The following SDK1 variants were observed in gnomAD, a reference collection of about 807,000 sequenced individuals.
SDK1 encodes protein sidekick-1.
Under a neutral mutation model 245.5 loss-of-function variants are expected in SDK1, and 157 were observed. That is an observed-to-expected ratio of 0.64 (90% CI 0.56 to 0.73). SDK1 has a LOEUF of 0.73. Among genes scored for constraint, SDK1 ranks in the 30% least tolerant of loss-of-function variants. The pLI, the probability that SDK1 is intolerant of heterozygous loss-of-function variation, is 0.00. For missense variants in SDK1, 3,583 were observed against 3,002.3 expected, an observed-to-expected ratio of 1.19 and a Z score of -4.52; for synonymous variants, 1,647 against 1,278.5, an observed-to-expected ratio of 1.29 and a Z score of -6.15.
chr7:3,597,550 T>C (rs2128637597), intron 1 of SDK1, among the ~76,000 whole-genome samples: 1 of 152,278 alleles, frequency 6.6e-6, no homozygotes, highest in East Asian at 1.9e-4. Context: ...AGAACTTCCT[T>C]ATTATGCTGG....
At chr7:3,474,053 T>TC (rs962445683) in intron 1 of SDK1, among the ~76,000 whole-genome samples, 6 of 147,094 alleles carry the variant, frequency 4.1e-5, no homozygotes, top group African/African-American at 1.5e-4. Flanking sequence ...CATGCGCCTG[T>TC]CCCTTTACCT....
At chr7:4,070,384 G>A (rs892561545) in intron 20 of SDK1, among the ~76,000 whole-genome samples, 4 of 152,246 alleles carry the variant, frequency 2.6e-5, no homozygotes, top group Non-Finnish European at 5.9e-5. Flanking sequence ...CCAAGGACTC[G>A]TGGCATGCTC....
At chr7:4,036,568 C>T (rs1788236228) in intron 17 of SDK1, among the ~76,000 whole-genome samples, 1 of 152,258 alleles carries the variant, frequency 6.6e-6, no homozygotes, top group Non-Finnish European at 1.5e-5. Context: ...TTTACACGTA[C>T]ACGTTAGTAT....
chr7:3,748,908 G>C (rs1212422992), intron 4 of SDK1, among the ~76,000 whole-genome samples: 1 of 152,028 alleles, frequency 6.6e-6, no homozygotes, highest in Non-Finnish European at 1.5e-5. Context: ...ATTTTTTGTT[G>C]TTGTTCTACA....
intron 4 of SDK1, among the ~76,000 whole-genome samples, chr7:3,769,009 T>G (rs1780333196): frequency 6.6e-6 from 1 of 152,222 alleles, no homozygotes; most frequent in Non-Finnish European, 1.5e-5. Context: ...AAAATGGTTG[T>G]AATTATGCCA....
At chr7:3,720,751 T>C (rs1785343749) in intron 4 of SDK1, among the ~76,000 whole-genome samples, 2 of 152,228 alleles carry the variant, frequency 1.3e-5, no homozygotes, top group Non-Finnish European at 2.9e-5. Context: ...TTCTTGGGCA[T>C]ATCTCAGAGA....
chr7:3,983,334 A>C (rs1184793996), intron 13 of SDK1, among the ~76,000 whole-genome samples: 1 of 152,150 alleles, frequency 6.6e-6, no homozygotes, highest in Non-Finnish European at 1.5e-5. Flanking sequence ...GCCAGGCTTC[A>C]CTGCTGTCTC....
chr7:3,548,789 C>T (rs1583153155), intron 1 of SDK1, among the ~76,000 whole-genome samples: 1 of 152,196 alleles, frequency 6.6e-6, no homozygotes, highest in Non-Finnish European at 1.5e-5. Flanking sequence ...TGGCAAGTTT[C>T]TAATTAACCT....
At chr7:4,133,346 CT>C (rs1250990290) in intron 28 of SDK1, among the ~76,000 whole-genome samples, 1 of 152,226 alleles carries the variant, frequency 6.6e-6, no homozygotes, top group Non-Finnish European at 1.5e-5. Flanking sequence ...AAAGTAAGGA[CT>C]TTCCCTGTGC....
intron 5 of SDK1, among the ~76,000 whole-genome samples, chr7:3,901,109 T>C (rs1781775029): frequency 6.6e-6 from 1 of 152,240 alleles, no homozygotes; most frequent in South Asian, 2.1e-4. Flanking sequence ...AGACCAGTTG[T>C]TTGGCAGAAT....
intron 1 of SDK1, among the ~76,000 whole-genome samples, chr7:3,566,801 A>C (rs941151283): frequency 2.0e-5 from 3 of 152,174 alleles, no homozygotes; most frequent in Non-Finnish European, 2.9e-5. Flanking sequence ...CAGTGAACGC[A>C]AAAGGCTAAC....
intron 4 of SDK1, among the ~76,000 whole-genome samples, chr7:3,802,140 A>G (rs981077018): frequency 1.3e-5 from 2 of 152,160 alleles, no homozygotes; most frequent in Admixed American, 6.5e-5. Flanking sequence ...CTGTAGTGCA[A>G]TATCAAAACC....
chr7:3,497,213 A>G (rs1243388410), intron 1 of SDK1, among the ~76,000 whole-genome samples: 2 of 152,192 alleles, frequency 1.3e-5, no homozygotes, highest in Non-Finnish European at 2.9e-5. Context: ...CAGCGAAGGC[A>G]ATGGTTACTC....
chr7:3,493,756 A>C (rs1049225918), intron 1 of SDK1, among the ~76,000 whole-genome samples: 2 of 152,126 alleles, frequency 1.3e-5, no homozygotes, highest in African/African-American at 4.8e-5. Flanking sequence ...ATCCTTTCTC[A>C]CTTATGACAT....
intron 1 of SDK1, among the ~76,000 whole-genome samples, chr7:3,312,812 C>T (rs778843298): frequency 1.3e-5 from 2 of 152,108 alleles, no homozygotes; most frequent in African/African-American, 2.4e-5. Context: ...GTAGGAGAGA[C>T]ACTATTAGAA....
intron 1 of SDK1, among the ~76,000 whole-genome samples, chr7:3,345,398 C>G (rs942925532): frequency 1.3e-5 from 2 of 152,080 alleles, no homozygotes; most frequent in South Asian, 4.1e-4. Flanking sequence ...ACCAAAGTAG[C>G]TGTCATTAAG....
At chr7:3,491,344 T>A (rs755044454) in intron 1 of SDK1, among the ~76,000 whole-genome samples, 4 of 152,194 alleles carry the variant, frequency 2.6e-5, no homozygotes, top group Non-Finnish European at 4.4e-5. Flanking sequence ...TCAGAGCATC[T>A]GGGGGTGGAA....
At chr7:3,730,274 G>T (rs1021241531) in intron 4 of SDK1, among the ~76,000 whole-genome samples, 1 of 152,126 alleles carries the variant, frequency 6.6e-6, no homozygotes, top group African/African-American at 2.4e-5. Context: ...GCAAATGATG[G>T]GAGGTGCTCT....
intron 22 of SDK1, among the ~76,000 whole-genome samples, chr7:4,103,108 C>A (rs575413422): frequency 6.6e-6 from 1 of 151,504 alleles, no homozygotes; most frequent in African/African-American, 2.4e-5. Flanking sequence ...TCACGCCATT[C>A]TCCTGCCTCA....
Sources: gnomAD v4.1 joint callset for allele counts (sites outside exome capture counted in the v4.1 genomes callset) on GRCh38, gnomAD v4.1.1 for gene constraint, MANE v1.5 for transcripts, NCBI Gene and HGNC (gene_info 2026-07-23, HGNC 2026-07-21) for gene names.